The following NRCAM variants were observed in gnomAD, a reference collection of about 807,000 sequenced individuals.
NRCAM encodes the protein NgCAM-related cell adhesion molecule.
Under a neutral mutation model 156.5 loss-of-function variants are expected in NRCAM, and 83 were observed. The observed-to-expected ratio is 0.53, with a 90% CI of 0.44 to 0.64. The LOEUF (loss-of-function observed/expected upper bound fraction) is 0.64. NRCAM is among the 30% of genes least tolerant of loss of function. The pLI is 0.00. For synonymous variants in NRCAM, 538 were observed against 563.9 expected (o/e 0.95, Z 0.65); for missense variants, 1,417 against 1,597.3 (o/e 0.89, Z 1.92).
chr7:108,348,739 C>CT (rs111463540), intron 2 of NRCAM, among the ~76,000 whole-genome samples: 37,834 of 151,590 alleles, frequency 0.25, 5,218 homozygotes, highest in Non-Finnish European at 0.3. Context: ...TATGGTGAAA[C>CT]TTTATCTCCA....
intron 3 of NRCAM, among the ~76,000 whole-genome samples, chr7:108,254,195 C>A (rs1324304789): frequency 6.6e-6 from 1 of 152,108 alleles, no homozygotes; most frequent in Non-Finnish European, 1.5e-5. Flanking sequence ...AATGCAAAGA[C>A]AAGCCACAGA....
At chr7:108,154,781 C>G (rs1453859896) in intron 32 of NRCAM, among the ~76,000 whole-genome samples, 1 of 152,084 alleles carries the variant, frequency 6.6e-6, no homozygotes, top group Non-Finnish European at 1.5e-5. Context: ...AACAAGCATA[C>G]ATGTCCATCT....
At chr7:108,315,187 T>C (rs2098890600) in intron 2 of NRCAM, among the ~76,000 whole-genome samples, 1 of 152,218 alleles carries the variant, frequency 6.6e-6, no homozygotes, top group Non-Finnish European at 1.5e-5. Context: ...AAAATGACAG[T>C]AAATTATAAA....
chr7:108,290,907 ATAGT>A (rs1231128037), intron 3 of NRCAM, among the ~76,000 whole-genome samples: 1 of 152,206 alleles, frequency 6.6e-6, no homozygotes, highest in South Asian at 2.1e-4. Context: ...TGTAAAAAAG[ATAGT>A]TAACTATTGC....
chr7:108,235,788 G>A (rs1562882118), intron 5 of NRCAM, among the ~76,000 whole-genome samples: 1 of 152,096 alleles, frequency 6.6e-6, no homozygotes, highest in South Asian at 2.1e-4. Context: ...ATCTAACAAC[G>A]TACAGGACAA....
At chr7:108,250,317 G>A (rs757023108) in intron 3 of NRCAM, among the ~76,000 whole-genome samples, 4 of 151,132 alleles carry the variant, frequency 2.6e-5, no homozygotes, top group Middle Eastern at 3.4e-3. Flanking sequence ...TCCCAACTAC[G>A]CAGGAGGCTG....
chr7:108,391,651 T>A (rs1360169197), intron 2 of NRCAM, among the ~76,000 whole-genome samples: 1 of 152,226 alleles, frequency 6.6e-6, no homozygotes, highest in Admixed American at 6.5e-5. Flanking sequence ...CATTAGTTGA[T>A]GCAGTTTCTT....
At chr7:108,236,365 T>C (rs1038117189) in intron 5 of NRCAM, among the ~76,000 whole-genome samples, 1 of 152,188 alleles carries the variant, frequency 6.6e-6, no homozygotes, top group Middle Eastern at 3.2e-3. Flanking sequence ...TACTGGGCAG[T>C]GTCAGTTTCC....
At chr7:108,332,803 C>T (rs781164217) in intron 2 of NRCAM, among the ~76,000 whole-genome samples, 2 of 152,110 alleles carry the variant, frequency 1.3e-5, no homozygotes, top group Admixed American at 6.6e-5. Flanking sequence ...CTAACTGCAT[C>T]GCTTTTAAAG....
intron 30 of NRCAM, among the ~76,000 whole-genome samples, chr7:108,164,557 G>GGA (rs1169655845): frequency 1.3e-5 from 2 of 151,978 alleles, no homozygotes; most frequent in Non-Finnish European, 2.9e-5. Context: ...CGAGAGGAGA[G>GGA]GAGAGGAGAG....
chr7:108,385,889 T>G (rs1189778969), intron 2 of NRCAM, among the ~76,000 whole-genome samples: 1 of 145,644 alleles, frequency 6.9e-6, no homozygotes, highest in Non-Finnish European at 1.5e-5. Flanking sequence ...AACACCTATC[T>G]GTCTGTCTAT....
chr7:108,357,478 C>T (rs890088535), intron 2 of NRCAM, among the ~76,000 whole-genome samples: 4 of 151,972 alleles, frequency 2.6e-5, no homozygotes, highest in African/African-American at 9.7e-5. Context: ...TTACAGGTGC[C>T]TGCCACCACG....
chr7:108,296,376 T>G (rs926946397), intron 3 of NRCAM, among the ~76,000 whole-genome samples: 8 of 152,300 alleles, frequency 5.3e-5, no homozygotes, highest in African/African-American at 1.7e-4. Flanking sequence ...GTATTACTTA[T>G]GGATGAAACC....
chr7:108,194,467 A>G (rs779408357), intron 15 of NRCAM, 39 bp from the exon 16 acceptor site: 8 of 1,429,914 alleles, frequency 5.6e-6, no homozygotes, highest in Middle Eastern at 1.8e-4. Flanking sequence ...ATAAAAACAC[A>G]TTATATTTTG....
intron 3 of NRCAM, among the ~76,000 whole-genome samples, chr7:108,308,237 C>T (rs1718331713): frequency 6.6e-6 from 1 of 152,338 alleles, no homozygotes; most frequent in South Asian, 2.1e-4. Context: ...TTTGGTGGCA[C>T]TGTTCTGGTC....
At chr7:108,228,653 T>G (rs1243357403) in intron 8 of NRCAM, among the ~76,000 whole-genome samples, 4 of 152,222 alleles carry the variant, frequency 2.6e-5, no homozygotes, top group African/African-American at 9.6e-5. Context: ...GTGGAAAAAT[T>G]AGTTATGTAT....
chr7:108,435,871 G>A (rs1487155594), intron 1 of NRCAM, among the ~76,000 whole-genome samples: 3 of 152,344 alleles, frequency 2.0e-5, no homozygotes, highest in Non-Finnish European at 2.9e-5. Flanking sequence ...GGTGGCTTAC[G>A]CCTGTAATCC....
intron 3 of NRCAM, among the ~76,000 whole-genome samples, chr7:108,285,277 G>A (rs1022676374): frequency 2.0e-5 from 3 of 152,078 alleles, no homozygotes; most frequent in African/African-American, 4.8e-5. Flanking sequence ...CATTCCTTTA[G>A]GGCAAAATAC....
At position 108,439,038 on chromosome 7, in the gene NRCAM, T is replaced by C. The variant is rs186120677; in HGVS notation, c.-332+17205A>G. 2.1e-3 allele frequency among the ~76,000 whole-genome samples: 321 copies of C among 152,270 alleles called. 1 individual carries two copies. The highest frequency in any genetic ancestry group is 7.1e-3 in the African/African-American group (294 of 41,580). ...GATTTGATATTAAGGTAGCAATTCT[T>C]CCCAAGTTCATCTATTGATTTAATG... On this transcript the variant is annotated intron_variant, in intron 1 of 32. Coordinates refer to ENST00000379028, the MANE Select transcript of NRCAM (RefSeq NM_001037132.4).
Sources: gnomAD v4.1 joint callset for allele counts (sites outside exome capture counted in the v4.1 genomes callset) on GRCh38, gnomAD v4.1.1 for gene constraint, MANE v1.5 for transcripts, NCBI Gene and HGNC (gene_info 2026-07-23, HGNC 2026-07-21) for gene names.